The following GPR78 variants were observed in gnomAD, a reference collection of about 807,000 sequenced individuals.
The protein encoded by GPR78 is G protein-coupled receptor 78.
A neutral mutation model predicts 17.9 loss-of-function variants in GPR78; 29 were observed. The observed-to-expected ratio is 1.62, with a 90% confidence interval of 1.20 to 2.21. The LOEUF is 2.21. GPR78 is among the 30% of genes most tolerant of loss of function. The pLI, the probability that GPR78 is intolerant of heterozygous loss-of-function variation, is 0.00. For missense variants in GPR78, 649 were observed against 530.5 expected, an observed-to-expected ratio of 1.22 and a Z score of -2.19; for synonymous variants, 349 against 256.9, an observed-to-expected ratio of 1.36 and a Z score of -3.43.
chr4:8,584,013 A>T (rs551526139), intron 2 of GPR78, among the ~76,000 whole-genome samples: 28 of 152,300 alleles, frequency 1.8e-4, no homozygotes, highest in African/African-American at 6.7e-4. Flanking sequence ...TTATCTGATT[A>T]TCATGTTTGT....
chr4:8,586,167 G>A (rs1249770122), intron 2 of GPR78, among the ~76,000 whole-genome samples: 1 of 152,144 alleles, frequency 6.6e-6, no homozygotes, highest in African/African-American at 2.4e-5. Flanking sequence ...CAGAAGCCTT[G>A]TCCTGACTCC....
rs1713594265 is a variant in GPR78, at chr4:8,588,201, G to T, written c.*838G>T. Reference sequence around the variant, plus strand: ...GATCTTAGACATGAGACGGTCAAGAGATTGAAGTAGTAGCCAGGGCCCAGG... The same window carrying T: ...GATCTTAGACATGAGACGGTCAAGATATTGAAGTAGTAGCCAGGGCCCAGG... On this transcript the variant is annotated 3_prime_UTR_variant, in exon 3 of 3. Transcript: ENST00000382487. 6.6e-6 allele frequency among the ~76,000 whole-genome samples: 1 copy of T among 152,256 alleles called. No individual in the cohort carries two copies. The highest frequency in any genetic ancestry group is 1.5e-5 in the Non-Finnish European group (1 of 68,046).
intron 2 of GPR78, among the ~76,000 whole-genome samples, chr4:8,585,457 C>T (rs370382171): frequency 5.3e-5 from 8 of 152,144 alleles, no homozygotes; most frequent in Non-Finnish European, 1.2e-4. Context: ...TCAGATCCTT[C>T]GATAGGACCT....
chr4:8,589,484 CT>C lies in GPR78; in HGVS notation c.*2122del, dbSNP rs1405012019. 2.0e-5 allele frequency among the ~76,000 whole-genome samples: 3 copies of C among 152,258 alleles called. No homozygotes were observed. In the East Asian group the frequency reaches 5.8e-4, roughly 30 times the overall value. ...GAGACCGTGCTGCACCCCGGTGCCCCTGTGCTTATAAGGGAGGGCACGTGCA... is the reference window on the plus strand; with the variant it reads ...GAGACCGTGCTGCACCCCGGTGCCCCGTGCTTATAAGGGAGGGCACGTGCA... On this transcript the variant is annotated 3_prime_UTR_variant, in exon 3 of 3. Transcript: ENST00000382487.
At position 8,587,617 on chromosome 4, in the gene GPR78, G is replaced by A. The variant is rs1713568895; in HGVS notation, c.*254G>A. ...AGTGGCTTTTCCTCTCTGAACCTTA[G>A]CTTCCTCACCCTTGTTCTGGGGTCA... is the stretch of plus-strand genomic sequence containing the variant. On this transcript the variant is annotated 3_prime_UTR_variant, in exon 3 of 3. Coordinates refer to ENST00000382487, the MANE Select transcript of GPR78 (RefSeq NM_080819.5). The A allele has an allele frequency of 8.7e-6, 5 of 573,862 alleles. No individual in the cohort carries two copies. In the South Asian group the frequency reaches 1.0e-4, roughly 12 times the overall value. 35.5% of individuals were successfully genotyped at this position (573,862 alleles called of 1,614,324 possible). A position where few individuals can be genotyped will look rare whatever the true frequency, so the allele number is the denominator to read the frequency against.
At chr4:8,583,103 G>C (rs917016111) in intron 2 of GPR78, 1 of 164,808 alleles carries the variant, frequency 6.1e-6, no homozygotes, top group Middle Eastern at 2.9e-3. Context: ...CTGAGTGCTT[G>C]TCAGGTCAGA....
Position 8,587,164 on chromosome 4 carries a change from G to A in GPR78, c.893G>A (p.Arg298His), listed in dbSNP as rs144053758. The A allele has an allele frequency of 1.0e-4, 164 of 1,613,164 alleles. No homozygotes were observed. The South Asian group carries it at 1.5e-3, about 15-fold the overall frequency. ...GACCCGTTCACGTACTCTCTGCTCC[G>A]CCGGCCGTTCCGCCAAGTCCTGGCC... ...VADPFTYSLLRRPFRQVLAGM... is the reference protein window; with the variant it reads ...VADPFTYSLLHRPFRQVLAGM... Residue 298 changes from arginine to histidine, a missense_variant, in exon 3 of 3, where the codon CGC becomes CAC. Transcript: ENST00000382487.
chr4:8,586,994 C>A (rs1326732742), intron 2 of GPR78, 60 bp from the exon 3 acceptor site: 2 of 1,426,276 alleles, frequency 1.4e-6, no homozygotes, highest in Admixed American at 3.4e-5. Flanking sequence ...TCCCCCGGAG[C>A]GTGAGTGCGT....
In GPR78 at chr4:8,581,189, C is replaced by T. The variant is rs764075847; in HGVS notation, c.207C>T (p.Arg69=). 1.9e-5 allele frequency: 31 copies of T among 1,601,836 alleles called. No individual in the cohort carries two copies. The highest frequency in any genetic ancestry group is 2.2e-5 in the East Asian group (1 of 44,826). ...DMPFTLLGVM[R]GRTPSAPGAC... ...CCTTCACGCTGCTCGGTGTGATGCG[C>T]GGGCGGACACCGTCGGCGCCCGGCG... Residue 69 remains arginine, a synonymous_variant, in exon 1 of 3, where the codon CGC becomes CGT. Transcript: ENST00000382487.
chr4:8,587,341 C>T lies in GPR78; in HGVS notation c.1070C>T (p.Ser357Phe), dbSNP rs200137305. Residue 357 changes from serine to phenylalanine, a missense_variant, in exon 3 of 3, where the codon TCC becomes TTC. Ser to Phe is a radical substitution (Grantham distance 155). Coordinates refer to ENST00000382487, the MANE Select transcript of GPR78 (RefSeq NM_080819.5). ...GGCTCTGTGGACACAGAGAATGATT[C>T]CTGCCTGCAGCAGACACACTGAGGG... ...HNGSVDTEND[S>F]CLQQTH 1.9e-6 allele frequency: 3 copies of T among 1,612,918 alleles called. No homozygotes were observed. The highest frequency in any genetic ancestry group is 2.2e-5 in the East Asian group (1 of 44,880).
rs1713247045 is a variant in GPR78, at chr4:8,580,909, C to T, written c.-74C>T. 15 of 1,343,956 alleles carry T rather than the reference C, an allele frequency of 1.1e-5. No individual in the cohort carries two copies. The highest frequency in any genetic ancestry group is 1.5e-5 in the Non-Finnish European group (15 of 1,010,642). The allele number at this position is 1,343,956 out of a possible 1,614,324, so 83.3% of individuals were successfully genotyped here. A position where few individuals can be genotyped will look rare whatever the true frequency, so the allele number is the denominator to read the frequency against. ...TGGGCGCGCCGCTCAGCTGCTCCAT[C>T]GCCTCACTTTCCCAGGCTCGCGCCC... On this transcript the variant is annotated 5_prime_UTR_variant, in exon 1 of 3. Coordinates refer to ENST00000382487, the MANE Select transcript of GPR78 (RefSeq NM_080819.5).
chr4:8,581,737 C>A, intron 1 of GPR78, 87 bp downstream of exon 1: 1 of 983,684 alleles, frequency 1.0e-6, no homozygotes, highest in Non-Finnish European at 1.4e-6. Context: ...TGGGCATCAC[C>A]ACCGTTACTC....
Position 8,588,739 on chromosome 4 carries a change from C to G in GPR78, c.*1376C>G, listed in dbSNP as rs1713617835. 6.6e-6 allele frequency among the ~76,000 whole-genome samples: 1 copy of G among 152,250 alleles called. No homozygotes were observed. The highest frequency in any genetic ancestry group is 2.1e-4 in the South Asian group (1 of 4,832). ...GCAAGGAGAGTATGGACATCAAATT[C>G]TTTCCTTCCAGAGGCTGAATTCTTC... is the stretch of plus-strand genomic sequence containing the variant. On this transcript the variant is annotated 3_prime_UTR_variant, in exon 3 of 3. Transcript: ENST00000382487.
chr4:8,581,402 T>TTTTC lies in GPR78; in HGVS notation c.420_421insTTTC (p.Ala141PhefsTer26). 1 of 1,586,914 alleles carries TTTTC rather than the reference T, an allele frequency of 6.3e-7. No homozygotes were observed. The highest frequency in any genetic ancestry group is 8.5e-7 in the Non-Finnish European group (1 of 1,172,518). ...GACAGTCGCTGGCCTTCTCAGGCGCTGCACTTGGCTGCTCGTGGCTTGGCT... is the reference window on the plus strand; with the variant it reads ...GACAGTCGCTGGCCTTCTCAGGCGCTTTTCGCACTTGGCTGCTCGTGGCTTGGCT... On this transcript the variant is annotated frameshift_variant, in exon 1 of 3. Transcript: ENST00000382487. LOFTEE classifies it high-confidence loss of function.
At chr4:8,583,907 C>T (rs1713394526) in intron 2 of GPR78, among the ~76,000 whole-genome samples, 1 of 152,198 alleles carries the variant, frequency 6.6e-6, no homozygotes, top group South Asian at 2.1e-4. Context: ...TCCTTCCTCA[C>T]ATAAAACCTG....
At chr4:8,586,742 G>C (rs1408851799) in intron 2 of GPR78, among the ~76,000 whole-genome samples, 1 of 152,188 alleles carries the variant, frequency 6.6e-6, no homozygotes, top group Non-Finnish European at 1.5e-5. Context: ...CGTGCAGGTG[G>C]GTGGACTGAG....
intron 2 of GPR78, among the ~76,000 whole-genome samples, chr4:8,585,878 G>C (rs76343557): frequency 0.017 from 2,573 of 152,306 alleles, 75 homozygotes; most frequent in African/African-American, 0.058. Flanking sequence ...AGCAGCTGCT[G>C]TGTTTGTGGG....
chr4:8,588,911 G>A lies in GPR78; in HGVS notation c.*1548G>A, dbSNP rs778412884. On this transcript the variant is annotated 3_prime_UTR_variant, in exon 3 of 3. Coordinates refer to ENST00000382487, the MANE Select transcript of GPR78 (RefSeq NM_080819.5). ...AGACAGGGTCTGACTCTGTTGCCTA[G>A]GCTAGAGTGCAGTGGTGCAATCTCA... 6.6e-6 allele frequency among the ~76,000 whole-genome samples: 1 copy of A among 152,178 alleles called. No homozygotes were observed. Among genetic ancestry groups the A allele is most frequent in the Non-Finnish European group, 1.5e-5 (1 of 68,038 alleles).
chr4:8,581,643 C>T lies in GPR78; in HGVS notation c.661C>T (p.His221Tyr), dbSNP rs1389333526. Residue 221 changes from histidine to tyrosine, a missense_variant, in exon 1 of 3, where the codon CAC (histidine) becomes TAC (tyrosine). His to Tyr is a moderately conservative substitution (Grantham distance 83). Transcript: ENST00000382487. The part of the protein sequence containing the change: ...MKALALLADL[H>Y]PSVRQRCLIQ... Reference sequence around the variant, plus strand: ...GGCGCTCGCGCTGCTCGCCGACCTGCACCCCAGGTATTGGCCCAGTGCATG... The same window carrying T: ...GGCGCTCGCGCTGCTCGCCGACCTGTACCCCAGGTATTGGCCCAGTGCATG... The T allele has an allele frequency of 3.4e-6, 5 of 1,478,394 alleles. No homozygotes were observed. Among genetic ancestry groups the T allele is most frequent in the Non-Finnish European group, 4.5e-6 (5 of 1,118,470 alleles). The allele number at this position is 1,478,394 out of a possible 1,614,324, so 91.6% of individuals were successfully genotyped here.
Sources: allele counts gnomAD v4.1 joint callset (sites outside exome capture counted in the v4.1 genomes callset), GRCh38; gene constraint gnomAD v4.1.1; transcripts MANE v1.5; gene names NCBI Gene and HGNC (gene_info 2026-07-23, HGNC 2026-07-21).